Variants in IDE observed in about 807,000 individuals in gnomAD.
IDE encodes the protein insulin degrading enzyme.
Under a neutral mutation model 133.2 loss-of-function variants are expected in IDE, and 58 were observed. That is an observed-to-expected ratio of 0.44 (90% confidence interval 0.35 to 0.54). The LOEUF is 0.54. IDE is among the 20% of genes least tolerant of loss of function. The pLI is 0.00. For synonymous variants in IDE, 396 were observed against 421.3 expected, an observed-to-expected ratio of 0.94 and a Z score of 0.73; for missense variants, 981 against 1,234.0, an observed-to-expected ratio of 0.79 and a Z score of 3.07.
chr10:92,497,352 A>T (rs1847766178), intron 11 of IDE, among the ~76,000 whole-genome samples: 1 of 152,210 alleles, frequency 6.6e-6, no homozygotes, highest in Non-Finnish European at 1.5e-5. Flanking sequence ...GAAACTGGCT[A>T]CCTTGGTATT....
intron 12 of IDE, among the ~76,000 whole-genome samples, chr10:92,488,427 T>A (rs944655345): frequency 1.3e-5 from 2 of 151,930 alleles, no homozygotes; most frequent in African/African-American, 2.4e-5. Flanking sequence ...GGCCCACACC[T>A]CTCCCAGATG....
At chr10:92,514,222 C>A (rs1848783102) in intron 5 of IDE, among the ~76,000 whole-genome samples, 1 of 151,884 alleles carries the variant, frequency 6.6e-6, no homozygotes, top group Non-Finnish European at 1.5e-5. Context: ...CCATCATTAC[C>A]AATATAAAAA....
chr10:92,499,620 TG>T (rs1564626319), intron 11 of IDE, among the ~76,000 whole-genome samples: 1 of 151,962 alleles, frequency 6.6e-6, no homozygotes, highest in Non-Finnish European at 1.5e-5. Flanking sequence ...TTTTTAGAGA[TG>T]GGGTTTCATC....
intron 1 of IDE, among the ~76,000 whole-genome samples, chr10:92,559,431 A>G (rs934289389): frequency 6.6e-6 from 1 of 152,238 alleles, no homozygotes; most frequent in African/African-American, 2.4e-5. Flanking sequence ...ATGCAATACT[A>G]TGAGTACTAA....
chr10:92,521,795 A>G (rs1849239202), intron 4 of IDE, among the ~76,000 whole-genome samples: 1 of 152,206 alleles, frequency 6.6e-6, no homozygotes, highest in East Asian at 1.9e-4. Flanking sequence ...GATTTTTATA[A>G]GAACACTAGA....
intron 16 of IDE, 21 bp downstream of exon 16, chr10:92,475,863 A>G (rs1846225585): frequency 1.1e-6 from 1 of 871,332 alleles, no homozygotes; most frequent in South Asian, 1.6e-5. Context: ...TGAATAAAAA[A>G]GCAGGGTTCA....
chr10:92,500,405 T>C (rs527874039), intron 11 of IDE, among the ~76,000 whole-genome samples: 2 of 152,190 alleles, frequency 1.3e-5, no homozygotes, highest in East Asian at 1.9e-4. Flanking sequence ...AATCCTGTCA[T>C]ATGCTACAAC....
At chr10:92,550,818 C>T (rs989366103) in intron 1 of IDE, among the ~76,000 whole-genome samples, 8 of 151,624 alleles carry the variant, frequency 5.3e-5, no homozygotes, top group African/African-American at 1.5e-4. Context: ...TGCAGTGAGC[C>T]GAGATCGTGC....
At chr10:92,524,596 G>A (rs1279716039) in intron 4 of IDE, among the ~76,000 whole-genome samples, 1 of 126,008 alleles carries the variant, frequency 7.9e-6, no homozygotes, top group African/African-American at 3.0e-5. Flanking sequence ...TGATCAAGTG[G>A]GATTCATCTC....
intron 1 of IDE, among the ~76,000 whole-genome samples, chr10:92,548,501 T>C (rs1261181090): frequency 6.6e-6 from 1 of 151,878 alleles, no homozygotes; most frequent in Non-Finnish European, 1.5e-5. Context: ...TTATATAAAC[T>C]TCACCAAGGC....
At chr10:92,566,841 T>C (rs1316221812) in intron 1 of IDE, among the ~76,000 whole-genome samples, 1 of 152,146 alleles carries the variant, frequency 6.6e-6, no homozygotes, top group Non-Finnish European at 1.5e-5. Context: ...ATTCAATAAA[T>C]ATTAGCTACT....
intron 1 of IDE, among the ~76,000 whole-genome samples, chr10:92,559,831 C>T (rs887180878): frequency 6.6e-5 from 10 of 151,392 alleles, no homozygotes; most frequent in South Asian, 2.1e-4. Context: ...TTGACTTCCC[C>T]GGCTCAAGCA....
At chr10:92,564,157 A>G (rs1249301174) in intron 1 of IDE, among the ~76,000 whole-genome samples, 1 of 152,158 alleles carries the variant, frequency 6.6e-6, no homozygotes, top group East Asian at 1.9e-4. Flanking sequence ...ATATACAACT[A>G]CTCTTGAATG....
rs150400759 is a variant in IDE, at chr10:92,514,692, C to T, written c.784+228G>A. ...TTTTATATGCTTAGAGCACCTATTA[C>T]TGTAGTAATTTGTATTTTTTTTCAG... On this transcript the variant is annotated intron_variant, in intron 5 of 24. Coordinates refer to ENST00000265986, the MANE Select transcript of IDE (RefSeq NM_004969.4). Among the ~76,000 whole-genome samples the T allele has an allele frequency of 2.0e-3, 303 of 151,612 alleles. 5 individuals carry two copies. Among genetic ancestry groups the T allele is most frequent in the African/African-American group, 7.2e-3 (298 of 41,298 alleles).
intron 12 of IDE, among the ~76,000 whole-genome samples, chr10:92,487,592 G>C (rs1347614483): frequency 1.3e-5 from 2 of 152,152 alleles, no homozygotes; most frequent in Non-Finnish European, 2.9e-5. Context: ...TGAGACTATG[G>C]AACACAGAAA....
At chr10:92,561,622 C>T (rs1382586473) in intron 1 of IDE, among the ~76,000 whole-genome samples, 2 of 151,210 alleles carry the variant, frequency 1.3e-5, no homozygotes, top group East Asian at 3.9e-4. Flanking sequence ...ATTAGCTGGG[C>T]GTGGTGGTGG....
At chr10:92,517,000 G>A (rs148004776) in intron 4 of IDE, among the ~76,000 whole-genome samples, 133 of 152,272 alleles carry the variant, frequency 8.7e-4, no homozygotes, top group African/African-American at 3.1e-3. Flanking sequence ...CTAAGATCCT[G>A]GCATAATAAC....
chr10:92,510,469 GTTCACCT>G (rs1805374794), intron 5 of IDE, among the ~76,000 whole-genome samples: 3 of 152,058 alleles, frequency 2.0e-5, no homozygotes, highest in Admixed American at 1.3e-4. Context: ...AGAGTATAAT[GTTCACCT>G]TATACATAGA....
intron 4 of IDE, among the ~76,000 whole-genome samples, chr10:92,517,312 G>A (rs894493503): frequency 6.6e-6 from 1 of 152,178 alleles, no homozygotes; most frequent in Non-Finnish European, 1.5e-5. Context: ...AGCCTAGCAA[G>A]TAACCTTAAC....
Sources: gnomAD v4.1 joint callset for allele counts (sites outside exome capture counted in the v4.1 genomes callset) on GRCh38, gnomAD v4.1.1 for gene constraint, MANE v1.5 for transcripts, NCBI Gene and HGNC (gene_info 2026-07-23, HGNC 2026-07-21) for gene names.